The following FAM163B variants were observed in gnomAD, a reference collection of about 807,000 sequenced individuals.
FAM163B encodes the protein family with sequence similarity 163 member B, also known as protein FAM163B.
In FAM163B, 4 loss-of-function variants were observed where a neutral mutation model predicts 7.6. The observed-to-expected ratio is 0.52, with a 90% confidence interval of 0.26 to 1.20. The LOEUF (loss-of-function observed/expected upper bound fraction) is 1.20. Among genes scored for constraint, FAM163B ranks in the 50% most tolerant of loss-of-function variants. The pLI, the probability that FAM163B is intolerant of heterozygous loss-of-function variation, is 0.14. For synonymous variants in FAM163B, 120 were observed against 111.6 expected (o/e 1.07, Z -0.47); for missense variants, 250 against 243.0 (o/e 1.03, Z -0.19).
rs1831795179 is a variant in FAM163B, at chr9:133,606,774, A to G, written c.-24+2303T>C. 6.6e-6 allele frequency among the ~76,000 whole-genome samples: 1 copy of G among 152,100 alleles called. No individual in the cohort carries two copies. Among genetic ancestry groups the G allele is most frequent in the Non-Finnish European group, 1.5e-5 (1 of 68,018 alleles). ...CTGCTCTGCCTCCCCTCCTGCCCCG[A>G]GAGTTTAGAGTCAGAGGTAATTGAC... On this transcript the variant is annotated intron_variant, in intron 1 of 2. Transcript: ENST00000673969. The surrounding 1 kb of genome is among the most constrained non-coding windows in gnomAD (Gnocchi z 4.0).
rs1462891906 is a variant in FAM163B at position 133,601,493 on chromosome 9, CA to C, written c.-24+7583del. ...GCAGCATTAACCACAGGGGCCTGGC[CA>C]GGCGAGACCCACTCTCTCTGGAGTT... On this transcript the variant is annotated intron_variant, in intron 1 of 2. Coordinates refer to ENST00000673969, the MANE Select transcript of FAM163B (RefSeq NM_001080515.3). This position sits in a 1 kb window ranked among gnomAD's most constrained non-coding sequence, Gnocchi z 4.1. Among the ~76,000 whole-genome samples the C allele has an allele frequency of 6.6e-6, 1 of 152,162 alleles. No individual in the cohort carries two copies. The highest frequency in any genetic ancestry group is 1.9e-4 in the East Asian group (1 of 5,194).
At chr9:133,595,898 T>C (rs1384976945) in intron 1 of FAM163B, among the ~76,000 whole-genome samples, 4 of 152,176 alleles carry the variant, frequency 2.6e-5, no homozygotes, top group Non-Finnish European at 4.4e-5. Flanking sequence ...TGGAATGGTG[T>C]CCTGGGCCCA....
At chr9:133,588,357 A>G (rs1236931684) in intron 1 of FAM163B, among the ~76,000 whole-genome samples, 1 of 152,036 alleles carries the variant, frequency 6.6e-6, no homozygotes, top group Non-Finnish European at 1.5e-5. Flanking sequence ...CACGCTACTT[A>G]AGGACCTTGA....
chr9:133,606,535 C>T lies in FAM163B; in HGVS notation c.-24+2542G>A, dbSNP rs1831791782. Among the ~76,000 whole-genome samples the T allele has an allele frequency of 6.6e-6, 1 of 152,224 alleles. No individual in the cohort carries two copies. The highest frequency in any genetic ancestry group is 2.1e-4 in the South Asian group (1 of 4,830). On this transcript the variant is annotated intron_variant, in intron 1 of 2. Coordinates refer to ENST00000673969, the MANE Select transcript of FAM163B (RefSeq NM_001080515.3). The surrounding 1 kb of genome is among the most constrained non-coding windows in gnomAD (Gnocchi z 4.0). The stretch of plus-strand genomic sequence containing the variant: ...GCCTTTTGGCCAGGCTCACGGTTGC[C>T]CCGGTGTCCCATGTGCCAGCAGGGA...
chr9:133,583,519 G>T (rs931293121), intron 1 of FAM163B, among the ~76,000 whole-genome samples: 17 of 152,304 alleles, frequency 1.1e-4, no homozygotes, highest in Non-Finnish European at 2.1e-4. Context: ...GGGTTCTGTG[G>T]GACAGCAGCT....
At position 133,600,251 on chromosome 9, in the gene FAM163B, A is replaced by G. The variant is rs1266407094; in HGVS notation, c.-24+8826T>C. 8.9e-6 allele frequency among the ~76,000 whole-genome samples: 1 copy of G among 112,370 alleles called. No homozygotes were observed. The highest frequency in any genetic ancestry group is 1.8e-5 in the Non-Finnish European group (1 of 54,872). The allele number at this position is 112,370 out of a possible 152,430, so 73.7% of individuals were successfully genotyped here. A position where few individuals can be genotyped will look rare whatever the true frequency, so the allele number is the denominator to read the frequency against. On this transcript the variant is annotated intron_variant, in intron 1 of 2. Transcript: ENST00000673969. The surrounding 1 kb of genome is among the most constrained non-coding windows in gnomAD (Gnocchi z 4.9). ...AATGTGGTCTGTGTGCATGTGTGTG[A>G]GTGTGGTCTGTGTGTGTGTGTGTGT... is the stretch of plus-strand genomic sequence containing the variant.
At chr9:133,593,250 T>C (rs1831581898) in intron 1 of FAM163B, among the ~76,000 whole-genome samples, 1 of 152,210 alleles carries the variant, frequency 6.6e-6, no homozygotes, top group African/African-American at 2.4e-5. Context: ...CATGTCAGCA[T>C]CTCTTCTTGC....
intron 1 of FAM163B, among the ~76,000 whole-genome samples, chr9:133,590,330 C>A (rs12235211): frequency 0.12 from 17,976 of 150,570 alleles, 1,507 homozygotes; most frequent in East Asian, 0.43. Context: ...CAGTTCAGGG[C>A]CTGGAAGGCG....
chr9:133,579,134 T>TCCTC lies in FAM163B; in HGVS notation c.385_388dup (p.Asp130GlyfsTer97), dbSNP rs1271645420. The TCCTC allele has an allele frequency of 6.2e-7, 1 of 1,609,126 alleles. No individual in the cohort carries two copies. The highest frequency in any genetic ancestry group is 1.3e-5 in the African/African-American group (1 of 74,872). On this transcript the variant is annotated frameshift_variant, in exon 3 of 3. Transcript: ENST00000673969. LOFTEE classifies it high-confidence loss of function. Reference sequence around the variant, plus strand: ...GAAGCCCCCCGGGGGCAGCTCCACGTCCTCCTGGCTCACGCTCTTGTAGAG... The same window carrying TCCTC: ...GAAGCCCCCCGGGGGCAGCTCCACGTCCTCCCTCCTGGCTCACGCTCTTGTAGAG...
intron 1 of FAM163B, among the ~76,000 whole-genome samples, chr9:133,593,032 CG>C (rs1831578134): frequency 6.6e-6 from 1 of 152,166 alleles, no homozygotes; most frequent in Non-Finnish European, 1.5e-5. Flanking sequence ...GTTAGGAACA[CG>C]GAACGCGTGT....
chr9:133,605,130 AC>A (rs1831774254), intron 1 of FAM163B, among the ~76,000 whole-genome samples: 1 of 152,204 alleles, frequency 6.6e-6, no homozygotes, highest in African/African-American at 2.4e-5. Flanking sequence ...GGAAGTGAGC[AC>A]GGGTCGGGGC....
At chr9:133,587,864 G>A (rs1280708678) in intron 1 of FAM163B, among the ~76,000 whole-genome samples, 1 of 152,112 alleles carries the variant, frequency 6.6e-6, no homozygotes, top group East Asian at 1.9e-4. Context: ...TTCTCAGGCT[G>A]GGGTCCCTGA....
In FAM163B at chr9:133,601,385, A is replaced by G. The variant is rs1831727403; in HGVS notation, c.-24+7692T>C. ...ATAGATTGGGCTCAGCCATTTTTAA[A>G]CGAGTGGAGGTGTGCTGTTGAAAGG... On this transcript the variant is annotated intron_variant, in intron 1 of 2. Coordinates refer to ENST00000673969, the MANE Select transcript of FAM163B (RefSeq NM_001080515.3). The surrounding 1 kb of genome is among the most constrained non-coding windows in gnomAD (Gnocchi z 4.1). 6.6e-6 allele frequency among the ~76,000 whole-genome samples: 1 copy of G among 152,220 alleles called. No individual in the cohort carries two copies. Among genetic ancestry groups the G allele is most frequent in the Non-Finnish European group, 1.5e-5 (1 of 68,040 alleles).
intron 1 of FAM163B, among the ~76,000 whole-genome samples, chr9:133,608,263 A>T (rs980208402): frequency 1.3e-5 from 2 of 152,222 alleles, no homozygotes; most frequent in Non-Finnish European, 2.9e-5. Context: ...TCTCAGAGCC[A>T]TCGGGGTTGC....
In FAM163B at chr9:133,601,428, G is replaced by C. The variant is rs1831728034; in HGVS notation, c.-24+7649C>G. 6.6e-6 allele frequency among the ~76,000 whole-genome samples: 1 copy of C among 152,186 alleles called. No individual in the cohort carries two copies. Among genetic ancestry groups the C allele is most frequent in the Non-Finnish European group, 1.5e-5 (1 of 68,028 alleles). On this transcript the variant is annotated intron_variant, in intron 1 of 2. Transcript: ENST00000673969. The surrounding 1 kb of genome is among the most constrained non-coding windows in gnomAD (Gnocchi z 4.1). ...TTGAAAGGGTCTGTCTTGCAGGTGA[G>C]AGGATTTTTTAGAAACTGGTCATGC...
chr9:133,593,919 C>T (rs1477589759), intron 1 of FAM163B, among the ~76,000 whole-genome samples: 2 of 152,008 alleles, frequency 1.3e-5, no homozygotes, highest in East Asian at 1.9e-4. Context: ...AGGGCAGGCC[C>T]GTCTCAGCCA....
intron 1 of FAM163B, among the ~76,000 whole-genome samples, chr9:133,585,507 C>T (rs1208089700): frequency 6.6e-6 from 1 of 152,274 alleles, no homozygotes; most frequent in African/African-American, 2.4e-5. Context: ...GTACAGGGCC[C>T]AGGCGACGCT....
intron 1 of FAM163B, among the ~76,000 whole-genome samples, chr9:133,593,941 C>G (rs1457447406): frequency 6.6e-6 from 1 of 152,216 alleles, no homozygotes; most frequent in Non-Finnish European, 1.5e-5. Flanking sequence ...ATCCACTCCC[C>G]CTCTGCCACC....
At chr9:133,581,560 G>T (rs2131216027) in intron 1 of FAM163B, among the ~76,000 whole-genome samples, 1 of 152,222 alleles carries the variant, frequency 6.6e-6, no homozygotes, top group East Asian at 1.9e-4. Flanking sequence ...TTTACGGTTG[G>T]TTAGTTCAAA....
Sources: gnomAD v4.1 joint callset for allele counts (sites outside exome capture counted in the v4.1 genomes callset) on GRCh38, gnomAD v4.1.1 for gene constraint, Gnocchi (gnomAD v3.1) non-coding constraint, MANE v1.5 for transcripts, NCBI Gene and HGNC (gene_info 2026-07-23, HGNC 2026-07-21) for gene names.